The following RNF180 variants were observed in gnomAD, a reference collection of about 807,000 sequenced individuals.
The protein encoded by RNF180 is E3 ubiquitin-protein ligase RNF180.
Under a neutral mutation model 59.2 loss-of-function variants are expected in RNF180, and 38 were observed. The ratio of observed to expected loss-of-function variants is 0.64; its 90% CI spans 0.50 to 0.84. The LOEUF is 0.84. Among genes scored for constraint, RNF180 ranks in the 40% least tolerant of loss-of-function variants. The probability of loss-of-function intolerance (pLI) is 0.00; values close to 1 mark genes in which losing one functional copy is unlikely to be tolerated. For synonymous variants in RNF180, 262 were observed against 240.3 expected, an observed-to-expected ratio of 1.09 and a Z score of -0.84; for missense variants, 705 against 700.9, an observed-to-expected ratio of 1.01 and a Z score of -0.07.
At chr5:64,305,559 G>A (rs1278162660) in intron 5 of RNF180, among the ~76,000 whole-genome samples, 1 of 151,284 alleles carries the variant, frequency 6.6e-6, no homozygotes, top group Non-Finnish European at 1.5e-5. Context: ...CGTCACCAGT[G>A]TATGAGTTCT....
intron 1 of RNF180, among the ~76,000 whole-genome samples, chr5:64,179,193 T>G (rs1750434831): frequency 6.6e-6 from 1 of 152,184 alleles, no homozygotes; most frequent in Admixed American, 6.5e-5. Context: ...GTTTGCAGAT[T>G]CCTAATAAAA....
chr5:64,219,396 A>G (rs569391356), intron 5 of RNF180, among the ~76,000 whole-genome samples: 10 of 152,126 alleles, frequency 6.6e-5, no homozygotes, highest in Non-Finnish European at 8.8e-5. Flanking sequence ...GTTGAAGAAT[A>G]TTAGTCTGAA....
At chr5:64,251,211 A>C (rs1055299029) in intron 5 of RNF180, among the ~76,000 whole-genome samples, 1 of 152,172 alleles carries the variant, frequency 6.6e-6, no homozygotes, top group Non-Finnish European at 1.5e-5. Context: ...AACACAGACC[A>C]TATTTGACGA....
intron 5 of RNF180, among the ~76,000 whole-genome samples, chr5:64,235,255 C>G (rs1236292178): frequency 6.6e-6 from 1 of 152,138 alleles, no homozygotes; most frequent in Non-Finnish European, 1.5e-5. Flanking sequence ...TGCACTCCAG[C>G]CTGAGCAACT....
chr5:64,359,474 A>C (rs1161641376), intron 7 of RNF180, among the ~76,000 whole-genome samples: 1 of 151,568 alleles, frequency 6.6e-6, no homozygotes, highest in Non-Finnish European at 1.5e-5. Flanking sequence ...CCACTTTTTG[A>C]TGGGGTTGTT....
intron 5 of RNF180, among the ~76,000 whole-genome samples, chr5:64,232,624 GA>G (rs1330070395): frequency 6.6e-6 from 1 of 152,168 alleles, no homozygotes; most frequent in East Asian, 1.9e-4. Context: ...ATTGAAGAAT[GA>G]AAATGAATAA....
At chr5:64,346,621 C>T (rs542789107) in intron 7 of RNF180, among the ~76,000 whole-genome samples, 3 of 152,042 alleles carry the variant, frequency 2.0e-5, no homozygotes, top group East Asian at 1.9e-4. Flanking sequence ...CCACCCGCCT[C>T]GGCCTCCCAA....
chr5:64,188,447 A>G (rs1040384075), intron 1 of RNF180, among the ~76,000 whole-genome samples: 3 of 151,864 alleles, frequency 2.0e-5, no homozygotes, highest in Non-Finnish European at 4.4e-5. Flanking sequence ...CCCAGGAGGT[A>G]TGGATAGTTT....
chr5:64,205,609 G>A (rs1751975594), intron 2 of RNF180, among the ~76,000 whole-genome samples: 1 of 152,156 alleles, frequency 6.6e-6, no homozygotes, highest in African/African-American at 2.4e-5. Flanking sequence ...CGGTTCTATG[G>A]ATGTGGGATT....
intron 5 of RNF180, among the ~76,000 whole-genome samples, chr5:64,228,762 G>C (rs1440877428): frequency 6.6e-6 from 1 of 151,626 alleles, no homozygotes; most frequent in Non-Finnish European, 1.5e-5. Context: ...ACTCACCTTT[G>C]TTCTCCTTGT....
At chr5:64,172,191 C>T (rs759062600) in intron 1 of RNF180, among the ~76,000 whole-genome samples, 16 of 152,102 alleles carry the variant, frequency 1.1e-4, no homozygotes, top group East Asian at 1.9e-4. Context: ...TGACTGTTAG[C>T]GTAAATGCTG....
intron 5 of RNF180, among the ~76,000 whole-genome samples, chr5:64,254,883 A>C (rs1561220424): frequency 6.6e-6 from 1 of 152,126 alleles, no homozygotes; most frequent in Non-Finnish European, 1.5e-5. Flanking sequence ...TTTGGTCAGT[A>C]CATCTGAGCC....
At position 64,372,438 on chromosome 5, in the gene RNF180, GTAT is replaced by G. The variant is rs1303128520; in HGVS notation, c.*2628_*2630del. 6.6e-6 allele frequency: 1 copy of G among 151,846 alleles called. No individual in the cohort carries two copies. The highest frequency in any genetic ancestry group is 2.4e-5 in the African/African-American group (1 of 41,392). The allele number at this position is 151,846 out of a possible 1,614,324, so 9.4% of individuals were successfully genotyped here. On this transcript the variant is annotated 3_prime_UTR_variant, in exon 8 of 8. Coordinates refer to ENST00000389100, the MANE Select transcript of RNF180 (RefSeq NM_001113561.2). Reference sequence around the variant, plus strand: ...CTGCTGAATTATTAATGCCACTATAGTATTATATGCTAAATATGAAAGCAGTGC... The same window carrying G: ...CTGCTGAATTATTAATGCCACTATAGTATATGCTAAATATGAAAGCAGTGC...
At chr5:64,230,931 A>G (rs145055418) in intron 5 of RNF180, among the ~76,000 whole-genome samples, 239 of 152,326 alleles carry the variant, frequency 1.6e-3, no homozygotes, top group African/African-American at 5.0e-3. Context: ...TGTATCCACC[A>G]TTAGTATCAT....
chr5:64,279,569 A>C (rs1741898258), intron 5 of RNF180, among the ~76,000 whole-genome samples: 2 of 152,260 alleles, frequency 1.3e-5, no homozygotes, highest in African/African-American at 4.8e-5. Flanking sequence ...ATGCTTATAC[A>C]TAGGAAAAAT....
chr5:64,365,140 T>C (rs1746398971), intron 7 of RNF180, among the ~76,000 whole-genome samples: 1 of 151,700 alleles, frequency 6.6e-6, no homozygotes, highest in Non-Finnish European at 1.5e-5. Context: ...GTTGTAATGT[T>C]AGGCTGTTAA....
intron 5 of RNF180, among the ~76,000 whole-genome samples, chr5:64,311,697 T>C (rs1561253783): frequency 6.6e-6 from 1 of 152,028 alleles, no homozygotes; most frequent in Non-Finnish European, 1.5e-5. Context: ...CATGGTCTGG[T>C]TTAGTGGACA....
At chr5:64,317,258 T>A (rs1282054140) in intron 5 of RNF180, among the ~76,000 whole-genome samples, 1 of 152,178 alleles carries the variant, frequency 6.6e-6, no homozygotes, top group Non-Finnish European at 1.5e-5. Context: ...TGCATGAGTT[T>A]TTTTGTTTCC....
chr5:64,295,785 T>A lies in RNF180; in HGVS notation c.1228-29401T>A, dbSNP rs576828414. On this transcript the variant is annotated intron_variant, in intron 5 of 7. Transcript: ENST00000389100. The stretch of plus-strand genomic sequence containing the variant: ...GAGTCTTGCTAGTTTTTAAAGTATG[T>A]TGAAGTATGATTTTCTCCTTTATCA... 6.6e-5 allele frequency among the ~76,000 whole-genome samples: 10 copies of A among 152,334 alleles called. No homozygotes were observed. In the East Asian group the frequency reaches 1.7e-3, roughly 26 times the overall value.
Sources: gnomAD v4.1 joint callset for allele counts (sites outside exome capture counted in the v4.1 genomes callset) on GRCh38, gnomAD v4.1.1 for gene constraint, MANE v1.5 for transcripts, NCBI Gene and HGNC (gene_info 2026-07-23, HGNC 2026-07-21) for gene names.